The following ADGRL2 variants were observed in gnomAD, a reference collection of about 807,000 sequenced individuals.
The protein encoded by ADGRL2 is calcium-independent alpha-latrotoxin receptor 2.
In ADGRL2, 44 loss-of-function variants were observed where a neutral mutation model predicts 157.4. The ratio of observed to expected loss-of-function variants is 0.28; its 90% CI spans 0.22 to 0.36. The LOEUF (loss-of-function observed/expected upper bound fraction) is 0.36. ADGRL2 is among the 10% of genes least tolerant of loss of function. The pLI is 1.00. For missense variants in ADGRL2, 1,510 were observed against 1,768.9 expected, an observed-to-expected ratio of 0.85 and a Z score of 2.63; for synonymous variants, 585 against 624.7, an observed-to-expected ratio of 0.94 and a Z score of 0.95.
At chr1:81,940,483 G>C (rs574976757) in intron 4 of ADGRL2, among the ~76,000 whole-genome samples, 8 of 151,580 alleles carry the variant, frequency 5.3e-5, no homozygotes, top group Non-Finnish European at 1.0e-4. Flanking sequence ...ACACATTATA[G>C]AGCAAGTATG....
intron 2 of ADGRL2, among the ~76,000 whole-genome samples, chr1:81,839,579 G>A (rs2092451343): frequency 1.3e-5 from 2 of 151,564 alleles, no homozygotes; most frequent in Admixed American, 1.3e-4. Context: ...TTATTCTTAT[G>A]CCTTTGTGTC....
Position 81,942,908 on chromosome 1 carries a change from C to G in ADGRL2, c.410-61C>G, listed in dbSNP as rs139062578. 132 of 1,246,934 alleles carry G rather than the reference C, an allele frequency of 1.1e-4. No individual in the cohort carries two copies. In the African/African-American group the frequency reaches 1.7e-3, roughly 16 times the overall value. 77.2% of individuals were successfully genotyped at this position (1,246,934 alleles called of 1,614,324 possible). Reference sequence around the variant, plus strand: ...CCCTTTTGATTTGTGATCACTGAAACTTGTTTGCCTGTGTAATTTTTTAAC... The same window carrying G: ...CCCTTTTGATTTGTGATCACTGAAAGTTGTTTGCCTGTGTAATTTTTTAAC... On this transcript the variant is annotated intron_variant, in intron 5 of 23. Coordinates refer to ENST00000686636, the MANE Select transcript of ADGRL2 (RefSeq NM_001366006.2).
chr1:81,720,906 G>A (rs559818669), intron 1 of ADGRL2, among the ~76,000 whole-genome samples: 16 of 149,346 alleles, frequency 1.1e-4, no homozygotes, highest in African/African-American at 3.7e-4. Flanking sequence ...TACTATATAT[G>A]TTTTATATAT....
intron 1 of ADGRL2, among the ~76,000 whole-genome samples, chr1:81,824,167 C>T (rs527561220): frequency 1.1e-3 from 166 of 152,162 alleles, no homozygotes; most frequent in African/African-American, 3.9e-3. Context: ...CAGTTTAAGC[C>T]TCAGTGCCTT....
chr1:81,449,223 A>C (rs942463501), intron 2 of ADGRL2, among the ~76,000 whole-genome samples: 3 of 151,362 alleles, frequency 2.0e-5, no homozygotes, highest in African/African-American at 7.3e-5. Context: ...CAGTGATACT[A>C]TGGATTTATA....
chr1:81,854,555 A>G (rs1248578880), intron 2 of ADGRL2, among the ~76,000 whole-genome samples: 1 of 152,206 alleles, frequency 6.6e-6, no homozygotes, highest in African/African-American at 2.4e-5. Context: ...ATGCTTAGAA[A>G]TGAAATGTTT....
At chr1:81,665,622 G>A (rs533367756) in intron 3 of ADGRL2, among the ~76,000 whole-genome samples, 3 of 152,072 alleles carry the variant, frequency 2.0e-5, no homozygotes, top group Non-Finnish European at 4.4e-5. Context: ...TTAGGTAAAT[G>A]TTATATTATC....
At chr1:81,696,127 A>C (rs2083438270), upstream of ADGRL2, among the ~76,000 whole-genome samples, 1 of 152,140 alleles carries the variant, frequency 6.6e-6, no homozygotes, top group Admixed American at 6.5e-5. Context: ...CATAAGTGAT[A>C]TATGTGTTGC....
At position 81,990,987 on chromosome 1, in the gene ADGRL2, A is replaced by G; in HGVS notation, c.4252A>G (p.Lys1418Glu). Residue 1418 changes from lysine (K) to glutamate (E), a missense_variant, in exon 24 of 24, where the codon AAA becomes GAA. This residue lies in a region of ADGRL2 where 327 missense variants were observed against 310.1 expected (regional missense o/e 1.05). Transcript: ENST00000686636. ...RRSENEDIYY[K>E]SMPNLGAGHQ... ...GAGTGAGAATGAGGACATTTACTAT[A>G]AAAGCATGCCAAATCTTGGAGCTGG... 1.2e-6 allele frequency: 2 copies of G among 1,614,104 alleles called. No individual in the cohort carries two copies. Among genetic ancestry groups the G allele is most frequent in the Non-Finnish European group, 1.7e-6 (2 of 1,180,006 alleles).
chr1:81,964,438 C>A (rs2149259225), intron 11 of ADGRL2, among the ~76,000 whole-genome samples: 1 of 152,222 alleles, frequency 6.6e-6, no homozygotes, highest in South Asian at 2.1e-4. Context: ...GCAGCTTAAT[C>A]TTTCCAAACA....
rs552154762 is a variant in ADGRL2 at position 81,671,334 on chromosome 1, G to T, written c.-143+90354G>T. On this transcript the variant is annotated intron_variant, in intron 3 of 24. Transcript: ENST00000370721. ...AAACTGTACTGCCTTAGATAATGAG[G>T]AGATTCATAAAGATTTTAAATTAAG... is the stretch of plus-strand genomic sequence containing the variant. Among the ~76,000 whole-genome samples the T allele has an allele frequency of 2.6e-5, 4 of 152,256 alleles. No individual in the cohort carries two copies. In the East Asian group the frequency reaches 7.7e-4, roughly 29 times the overall value.
intron 2 of ADGRL2, among the ~76,000 whole-genome samples, chr1:81,887,105 T>C (rs1434750730): frequency 6.6e-6 from 1 of 152,226 alleles, no homozygotes; most frequent in African/African-American, 2.4e-5. Context: ...ATTCATACAC[T>C]GATACTAAAT....
chr1:81,381,565 T>C (rs562501971), intron 1 of ADGRL2, among the ~76,000 whole-genome samples: 1 of 152,192 alleles, frequency 6.6e-6, no homozygotes, highest in Admixed American at 6.5e-5. Flanking sequence ...AGAGCAAGAT[T>C]TTGTCTCAAA....
At chr1:81,893,308 TCAATCC>T (rs376605406) in intron 2 of ADGRL2, among the ~76,000 whole-genome samples, 19,563 of 150,088 alleles carry the variant, frequency 0.13, 1,630 homozygotes, top group Middle Eastern at 0.23. Context: ...TTGTGACTTA[TCAATCC>T]TGTCTTGTAT....
At chr1:81,540,529 C>A (rs931750370) in intron 2 of ADGRL2, among the ~76,000 whole-genome samples, 6 of 152,122 alleles carry the variant, frequency 3.9e-5, no homozygotes, top group Non-Finnish European at 7.3e-5. Flanking sequence ...ACAGAAGTGA[C>A]CAGCTTTAGA....
intron 3 of ADGRL2, among the ~76,000 whole-genome samples, chr1:81,683,975 C>T (rs890286420): frequency 2.0e-5 from 3 of 152,064 alleles, no homozygotes; most frequent in African/African-American, 7.2e-5. Flanking sequence ...CGCCACCATG[C>T]CCGGCTCATT....
At chr1:81,409,111 G>C (rs1314492501) in intron 1 of ADGRL2, among the ~76,000 whole-genome samples, 1 of 152,152 alleles carries the variant, frequency 6.6e-6, no homozygotes, top group African/African-American at 2.4e-5. Flanking sequence ...TGTTAGGTAT[G>C]ACTGTGTTAG....
At chr1:81,491,240 T>C (rs1383383940) in intron 2 of ADGRL2, among the ~76,000 whole-genome samples, 2 of 152,200 alleles carry the variant, frequency 1.3e-5, no homozygotes, top group Non-Finnish European at 2.9e-5. Context: ...AATAAAGCTC[T>C]AAAACAAGCT....
In ADGRL2 at chr1:81,356,971, A is replaced by AAAAAAAAAAAAAAAAAAG. The variant is rs80327519; in HGVS notation, c.-302+50464_-302+50465insAAAAAAAAAAAAAAAGAA. ...CCGTCTCAAAAAAAAAAAAAAAAAA[A>AAAAAAAAAAAAAAAAAAG]AAGAAGTTGTTTCCTTTTAAAGCTC... On this transcript the variant is annotated intron_variant, in intron 1 of 24. Coordinates refer to the ADGRL2 transcript ENST00000370721. 8.1e-5 allele frequency among the ~76,000 whole-genome samples: 8 copies of AAAAAAAAAAAAAAAAAAG among 99,310 alleles called. 1 individual carries two copies. The highest frequency in any genetic ancestry group is 9.6e-5 in the African/African-American group (3 of 31,158). 65.2% of individuals were successfully genotyped at this position (99,310 alleles called of 152,430 possible). A position where few individuals can be genotyped will look rare whatever the true frequency, so the allele number is the denominator to read the frequency against.
Sources: allele counts gnomAD v4.1 joint callset (sites outside exome capture counted in the v4.1 genomes callset), GRCh38; gene constraint gnomAD v4.1.1; regional missense constraint gnomAD v4.1.1; transcripts MANE v1.5; gene names NCBI Gene and HGNC (gene_info 2026-07-23, HGNC 2026-07-21).